Variants in ZNF609 observed in about 807,000 individuals in gnomAD.
ZNF609 encodes the protein zinc finger protein 609.
A neutral mutation model predicts 109.5 loss-of-function variants in ZNF609; 11 were observed. That is an observed-to-expected ratio of 0.10 (90% CI 0.06 to 0.17). ZNF609 has a LOEUF of 0.17. Among genes scored for constraint, ZNF609 ranks in the 10% least tolerant of loss-of-function variants. The probability of loss-of-function intolerance (pLI) is 1.00; values close to 1 mark genes in which losing one functional copy is unlikely to be tolerated. For synonymous variants in ZNF609, 646 were observed against 662.0 expected (o/e 0.98, Z 0.37); for missense variants, 1,559 against 1,772.4 (o/e 0.88, Z 2.16).
chr15:64,686,057 CCT>C lies in ZNF609; in HGVS notation c.*4372_*4373del, dbSNP rs1453466443. The C allele has an allele frequency of 1.3e-5, 2 of 151,824 alleles. No individual in the cohort carries two copies. The highest frequency in any genetic ancestry group is 2.4e-5 in the African/African-American group (1 of 41,310). The allele number at this position is 151,824 out of a possible 1,614,324, so 9.4% of individuals were successfully genotyped here. A position where few individuals can be genotyped will look rare whatever the true frequency, so the allele number is the denominator to read the frequency against. On this transcript the variant is annotated 3_prime_UTR_variant, in exon 10 of 10. Transcript: ENST00000326648. ...TTTATTGAATAAAGTTTTTAATGTC[CCT>C]GTTCTTAAATTTAGACTTAGTTTGC... is the stretch of plus-strand genomic sequence containing the variant.
chr15:64,655,579 C>T (rs976603484), intron 3 of ZNF609, among the ~76,000 whole-genome samples: 1 of 152,172 alleles, frequency 6.6e-6, no homozygotes, highest in African/African-American at 2.4e-5. Flanking sequence ...GTAATCCCAG[C>T]ACTTTGGGAG....
chr15:64,673,391 A>C (rs1477807670), intron 4 of ZNF609, among the ~76,000 whole-genome samples: 2 of 152,192 alleles, frequency 1.3e-5, no homozygotes, highest in African/African-American at 4.8e-5. Context: ...CTAGGTGCAG[A>C]TCTCCAGACA....
At chr15:64,466,747 TC>T (rs1394423602) in intron 1 of ZNF609, among the ~76,000 whole-genome samples, 1 of 152,216 alleles carries the variant, frequency 6.6e-6, no homozygotes, top group Non-Finnish European at 1.5e-5. Flanking sequence ...TTAAAACTGT[TC>T]ACAAACCACT....
intron 3 of ZNF609, among the ~76,000 whole-genome samples, chr15:64,638,696 G>A (rs765742332): frequency 6.6e-6 from 1 of 151,634 alleles, no homozygotes; most frequent in Non-Finnish European, 1.5e-5. Context: ...GGGAATTCAA[G>A]ACCAGCCCGG....
chr15:64,597,429 A>T (rs895038934), intron 2 of ZNF609, among the ~76,000 whole-genome samples: 3 of 152,186 alleles, frequency 2.0e-5, no homozygotes, highest in Admixed American at 2.0e-4. Context: ...TTCTCAGCAC[A>T]GGAAGATGGG....
At chr15:64,609,046 G>A (rs1895661023) in intron 2 of ZNF609, among the ~76,000 whole-genome samples, 1 of 148,510 alleles carries the variant, frequency 6.7e-6, no homozygotes. Flanking sequence ...CCTGTTACTT[G>A]CATGTTTTAG....
intron 3 of ZNF609, among the ~76,000 whole-genome samples, chr15:64,648,305 G>A (rs895923366): frequency 1.3e-5 from 2 of 152,132 alleles, no homozygotes; most frequent in Non-Finnish European, 2.9e-5. Context: ...GGGCAACATA[G>A]CAAAACCTTG....
intron 2 of ZNF609, among the ~76,000 whole-genome samples, chr15:64,583,264 A>G (rs1330216706): frequency 6.7e-6 from 1 of 150,128 alleles, no homozygotes; most frequent in Non-Finnish European, 1.5e-5. Flanking sequence ...AATGGCGTGA[A>G]CCCAGGAGGC....
intron 2 of ZNF609, among the ~76,000 whole-genome samples, chr15:64,557,842 G>A (rs547630695): frequency 8.5e-5 from 13 of 152,084 alleles, no homozygotes; most frequent in Middle Eastern, 3.4e-3. Context: ...GACTACAGGC[G>A]CCCACCACCG....
intron 2 of ZNF609, chr15:64,529,362 G>A (rs1894020579): frequency 2.7e-6 from 2 of 732,194 alleles, no homozygotes; most frequent in African/African-American, 1.7e-5. Context: ...CTCCATGGTG[G>A]TGAAGACACC....
chr15:64,613,451 C>A (rs1895747956), intron 2 of ZNF609, among the ~76,000 whole-genome samples: 2 of 152,322 alleles, frequency 1.3e-5, no homozygotes, highest in South Asian at 4.1e-4. Flanking sequence ...ATTCAGATTT[C>A]TCCTTCCATC....
intron 2 of ZNF609, among the ~76,000 whole-genome samples, chr15:64,614,645 T>C (rs1895770368): frequency 6.6e-6 from 1 of 152,290 alleles, no homozygotes; most frequent in Non-Finnish European, 1.5e-5. Context: ...AAATTAAGTT[T>C]TATATAATAC....
chr15:64,487,790 G>A (rs998524026), intron 1 of ZNF609, among the ~76,000 whole-genome samples: 11 of 151,908 alleles, frequency 7.2e-5, no homozygotes, highest in Admixed American at 6.6e-4. Context: ...GCGCCACCAC[G>A]CCCAGCTAAA....
chr15:64,635,313 G>A (rs1896157442), intron 3 of ZNF609, among the ~76,000 whole-genome samples: 1 of 152,152 alleles, frequency 6.6e-6, no homozygotes, highest in African/African-American at 2.4e-5. Flanking sequence ...GTGATACCTA[G>A]GCAATAAATA....
At chr15:64,639,788 A>C (rs1896226691) in intron 3 of ZNF609, among the ~76,000 whole-genome samples, 1 of 152,222 alleles carries the variant, frequency 6.6e-6, no homozygotes. Context: ...AATTATTGTC[A>C]CAAGTTGGAG....
Position 64,622,993 on chromosome 15 carries a change from C to G in ZNF609, c.914C>G (p.Pro305Arg). 1 of 1,614,250 alleles carries G rather than the reference C, an allele frequency of 6.2e-7. No homozygotes were observed. The change falls in exon 3 of 10, where the codon CCC (proline) becomes CGC (arginine). Residue 305 changes from proline (P) to arginine (R), a missense_variant. By Grantham distance (103) the Pro-to-Arg change is moderately radical. Coordinates refer to ENST00000326648, the MANE Select transcript of ZNF609 (RefSeq NM_015042.2). Reference protein sequence around the residue: ...ALATEPECLGPCEPGTSVNLE... With the variant: ...ALATEPECLGRCEPGTSVNLE... ...GCCACAGAGCCTGAGTGCTTGGGCC[C>G]CTGTGAACCTGGAACTAGCGTCAAC... is the stretch of plus-strand genomic sequence containing the variant.
chr15:64,488,915 AAAG>A (rs529478954), intron 1 of ZNF609, among the ~76,000 whole-genome samples: 1 of 2,842 alleles, frequency 3.5e-4, no homozygotes, highest in South Asian at 2.2e-3. Flanking sequence ...TCTACAAAAA[AAAG>A]AAAGAAAGAA....
At chr15:64,561,715 T>C (rs960695825) in intron 2 of ZNF609, among the ~76,000 whole-genome samples, 1 of 152,076 alleles carries the variant, frequency 6.6e-6, no homozygotes, top group Admixed American at 6.6e-5. Flanking sequence ...ATAATTTTCA[T>C]TCCTGACTTT....
chr15:64,540,691 ACCGTGTCCGG>A (rs1156894834), intron 2 of ZNF609, among the ~76,000 whole-genome samples: 2 of 150,396 alleles, frequency 1.3e-5, no homozygotes, highest in Admixed American at 1.3e-4. Flanking sequence ...GGTGTGAGAT[ACCGTGTCCGG>A]CCACAGATAG....
Sources: gnomAD v4.1 joint callset for allele counts (sites outside exome capture counted in the v4.1 genomes callset) on GRCh38, gnomAD v4.1.1 for gene constraint, MANE v1.5 for transcripts, NCBI Gene and HGNC (gene_info 2026-07-23, HGNC 2026-07-21) for gene names.